Variants in SUGCT observed in about 807,000 individuals in gnomAD.
The protein encoded by SUGCT is succinyl-CoA:glutarate CoA-transferase.
A neutral mutation model predicts 55.0 loss-of-function variants in SUGCT; 41 were observed. That is an observed-to-expected ratio of 0.74 (90% confidence interval 0.58 to 0.97). The LOEUF (loss-of-function observed/expected upper bound fraction) is 0.97. Among genes scored for constraint, SUGCT ranks in the 50% least tolerant of loss-of-function variants. The pLI, the probability that SUGCT is intolerant of heterozygous loss-of-function variation, is 0.00. For synonymous variants in SUGCT, 187 were observed against 200.4 expected (o/e 0.93, Z 0.56); for missense variants, 568 against 547.8 (o/e 1.04, Z -0.37).
chr7:40,228,492 TTG>T (rs369027925), intron 6 of SUGCT, among the ~76,000 whole-genome samples: 8 of 150,702 alleles, frequency 5.3e-5, no homozygotes, highest in Admixed American at 6.6e-5. Flanking sequence ...TTGTTCAGGT[TTG>T]TGTGTGTGTG....
intron 7 of SUGCT, among the ~76,000 whole-genome samples, chr7:40,274,051 G>A (rs375322165): frequency 7.9e-6 from 1 of 126,182 alleles, no homozygotes; most frequent in Non-Finnish European, 1.6e-5. Flanking sequence ...TTACAAGGAG[G>A]TTTGACCAGA....
intron 12 of SUGCT, among the ~76,000 whole-genome samples, chr7:40,513,816 G>C (rs1183803940): frequency 7.7e-6 from 1 of 129,034 alleles, no homozygotes; most frequent in Non-Finnish European, 1.6e-5. Context: ...TGGAGACAGA[G>C]TCTTGGTCTG....
intron 6 of SUGCT, among the ~76,000 whole-genome samples, chr7:40,231,843 T>C (rs919740376): frequency 2.0e-5 from 3 of 152,230 alleles, no homozygotes; most frequent in Non-Finnish European, 4.4e-5. Context: ...CTTATGCCTG[T>C]AATCCTATTA....
intron 7 of SUGCT, among the ~76,000 whole-genome samples, chr7:40,248,163 C>T (rs1221032453): frequency 6.6e-6 from 1 of 151,978 alleles, no homozygotes; most frequent in Non-Finnish European, 1.5e-5. Context: ...AGGCATGCGC[C>T]ACCATGCCTG....
chr7:40,203,232 A>G (rs2150770937), intron 6 of SUGCT, among the ~76,000 whole-genome samples: 2 of 152,294 alleles, frequency 1.3e-5, no homozygotes, highest in East Asian at 3.9e-4. Context: ...ACATATCCTC[A>G]AATGGATGAT....
At chr7:40,733,102 C>T (rs990238772) in intron 12 of SUGCT, among the ~76,000 whole-genome samples, 9 of 152,080 alleles carry the variant, frequency 5.9e-5, no homozygotes, top group African/African-American at 2.2e-4. Context: ...AAATTGTGAG[C>T]CAAGTCAGCT....
chr7:40,512,073 A>G (rs1042589186), intron 12 of SUGCT, among the ~76,000 whole-genome samples: 1 of 152,220 alleles, frequency 6.6e-6, no homozygotes, highest in Admixed American at 6.5e-5. Flanking sequence ...AATTTACAAA[A>G]TGTAATTAAA....
intron 9 of SUGCT, among the ~76,000 whole-genome samples, chr7:40,385,340 T>C (rs1008301262): frequency 1.3e-5 from 2 of 152,156 alleles, no homozygotes; most frequent in African/African-American, 4.8e-5. Flanking sequence ...CAACTTAATG[T>C]CACTGTTCTT....
At position 40,437,835 on chromosome 7, in the gene SUGCT, A is replaced by G. The variant is rs141078459; in HGVS notation, c.817-11452A>G. Among the ~76,000 whole-genome samples the G allele has an allele frequency of 2.6e-5, 4 of 152,262 alleles. No homozygotes were observed. The East Asian group carries it at 7.7e-4, about 29-fold the overall frequency. Reference sequence around the variant, plus strand: ...TTTAGCAATGGTTACCTTTTGTGGAAGAAAATCTTGTTAAAAAGTAAGTAG... The same window carrying G: ...TTTAGCAATGGTTACCTTTTGTGGAGGAAAATCTTGTTAAAAAGTAAGTAG... On this transcript the variant is annotated intron_variant, in intron 9 of 13. Coordinates refer to ENST00000335693, the MANE Select transcript of SUGCT (RefSeq NM_001193313.2).
chr7:40,402,815 A>G (rs749414026), intron 9 of SUGCT, among the ~76,000 whole-genome samples: 9 of 152,282 alleles, frequency 5.9e-5, no homozygotes, highest in African/African-American at 9.6e-5. Flanking sequence ...AGGAAGTTCA[A>G]TCTCCAAAAA....
intron 13 of SUGCT, among the ~76,000 whole-genome samples, chr7:40,809,981 A>G (rs1460685483): frequency 6.6e-6 from 1 of 152,134 alleles, no homozygotes; most frequent in African/African-American, 2.4e-5. Flanking sequence ...ATGTCTATGT[A>G]GTATTCCATG....
intron 6 of SUGCT, among the ~76,000 whole-genome samples, chr7:40,223,063 ATTTC>A (rs1357717568): frequency 4.7e-5 from 5 of 106,824 alleles, no homozygotes; most frequent in African/African-American, 7.1e-5. Context: ...CCATCCTTCC[ATTTC>A]TTTCTTTCTT....
intron 11 of SUGCT, among the ~76,000 whole-genome samples, chr7:40,478,155 C>T (rs1439884658): frequency 6.6e-6 from 1 of 152,102 alleles, no homozygotes; most frequent in South Asian, 2.1e-4. Context: ...GCATACGCCA[C>T]CATGCCTGGC....
chr7:40,567,670 A>G (rs971916214), intron 12 of SUGCT, among the ~76,000 whole-genome samples: 2 of 152,176 alleles, frequency 1.3e-5, no homozygotes, highest in Non-Finnish European at 2.9e-5. Context: ...TTGCTTTCAA[A>G]GTTGTTCTCA....
At chr7:40,890,132 C>T in the SUGCT span, among the ~76,000 whole-genome samples, 1 of 150,250 alleles carries the variant, frequency 6.7e-6, no homozygotes, top group Admixed American at 6.7e-5. Flanking sequence ...GACAGGTGAG[C>T]AACTGAGAGG....
chr7:40,677,467 C>T (rs1333891199), intron 12 of SUGCT, among the ~76,000 whole-genome samples: 2 of 152,224 alleles, frequency 1.3e-5, no homozygotes, highest in African/African-American at 4.8e-5. Flanking sequence ...GTCAGCTTTT[C>T]ACCCTCATGC....
At chr7:40,937,038 C>T in the SUGCT span, among the ~76,000 whole-genome samples, 1 of 152,152 alleles carries the variant, frequency 6.6e-6, no homozygotes, top group African/African-American at 2.4e-5. Context: ...TGGAGAATTT[C>T]TGTATGCACA....
At chr7:40,273,985 C>CT (rs1449623281) in intron 7 of SUGCT, among the ~76,000 whole-genome samples, 1 of 144,984 alleles carries the variant, frequency 6.9e-6, no homozygotes, top group Admixed American at 7.0e-5. Context: ...GGTAAATAGT[C>CT]TTTTTTTAAA....
the SUGCT span, among the ~76,000 whole-genome samples, chr7:41,001,602 G>C: frequency 6.6e-6 from 1 of 152,164 alleles, no homozygotes; most frequent in East Asian, 1.9e-4. Context: ...TGCTGGCATG[G>C]TCCAGTTCTG....
Sources: allele counts gnomAD v4.1 joint callset (sites outside exome capture counted in the v4.1 genomes callset), GRCh38; gene constraint gnomAD v4.1.1; transcripts MANE v1.5; gene names NCBI Gene and HGNC (gene_info 2026-07-23, HGNC 2026-07-21).